The following DCDC2C variants were observed in gnomAD, a reference collection of about 807,000 sequenced individuals.
DCDC2C encodes the protein doublecortin domain-containing protein 2C.
A neutral mutation model predicts 45.0 loss-of-function variants in DCDC2C; 44 were observed. The ratio of observed to expected loss-of-function variants is 0.98; its 90% CI spans 0.77 to 1.26. DCDC2C has a LOEUF of 1.26. DCDC2C is among the 50% of genes most tolerant of loss of function. The pLI, the probability that DCDC2C is intolerant of heterozygous loss-of-function variation, is 0.00. For synonymous variants in DCDC2C, 187 were observed against 178.8 expected (o/e 1.05, Z -0.37); for missense variants, 447 against 468.9 (o/e 0.95, Z 0.43).
chr2:3,726,477 A>G (rs752370131), intron 2 of DCDC2C, among the ~76,000 whole-genome samples: 26 of 152,248 alleles, frequency 1.7e-4, no homozygotes, highest in Non-Finnish European at 2.9e-4. Context: ...TCACCAGGCC[A>G]TAGTGGTTGG....
chr2:3,804,002 A>G (rs1671173741), intron 10 of DCDC2C, among the ~76,000 whole-genome samples: 1 of 152,218 alleles, frequency 6.6e-6, no homozygotes, highest in South Asian at 2.1e-4. Flanking sequence ...CGACCACTCC[A>G]AACTTTGGTA....
intron 3 of DCDC2C, among the ~76,000 whole-genome samples, chr2:3,738,566 A>AT: frequency 6.7e-6 from 1 of 150,076 alleles, no homozygotes; most frequent in Non-Finnish European, 1.5e-5. Context: ...AAAAAAAAAA[A>AT]AAAAGCCTCC....
chr2:3,708,445 G>A, intron 1 of DCDC2C, 104 bp from the exon 2 acceptor site: 3 of 794,894 alleles, frequency 3.8e-6, no homozygotes, highest in South Asian at 1.9e-5. Flanking sequence ...ATTGCTGTGG[G>A]GTTGTATCTA....
intron 10 of DCDC2C, among the ~76,000 whole-genome samples, chr2:3,845,045 T>A (rs1672295520): frequency 6.6e-6 from 1 of 152,240 alleles, no homozygotes; most frequent in African/African-American, 2.4e-5. Flanking sequence ...GCCTTCTATG[T>A]CCTAAATGGA....
chr2:3,842,362 G>A (rs549009445), intron 10 of DCDC2C, among the ~76,000 whole-genome samples: 58 of 152,060 alleles, frequency 3.8e-4, no homozygotes, highest in Non-Finnish European at 5.7e-4. Context: ...TTTATAGAAC[G>A]TGTTATAAAG....
At chr2:3,821,470 A>G (rs12328316) in intron 10 of DCDC2C, among the ~76,000 whole-genome samples, 42,588 of 152,164 alleles carry the variant, frequency 0.28, 6,164 homozygotes, top group South Asian at 0.38. Flanking sequence ...CCTCCTGATC[A>G]TAAGGGGAAA....
intron 10 of DCDC2C, among the ~76,000 whole-genome samples, chr2:3,805,105 A>T (rs957056688): frequency 1.3e-5 from 2 of 152,232 alleles, no homozygotes; most frequent in Non-Finnish European, 2.9e-5. Flanking sequence ...AATCATGTGC[A>T]GGGCCAATGA....
At chr2:3,786,035 T>C (rs1212867525) in intron 10 of DCDC2C, among the ~76,000 whole-genome samples, 1 of 152,258 alleles carries the variant, frequency 6.6e-6, no homozygotes, top group Non-Finnish European at 1.5e-5. Context: ...GTGTAAAGTC[T>C]GCTTAGCGTT....
chr2:3,769,501 C>T (rs970257842), intron 8 of DCDC2C, 90 bp downstream of exon 8: 2 of 1,139,192 alleles, frequency 1.8e-6, no homozygotes, highest in African/African-American at 3.1e-5. Flanking sequence ...CCTCTCCCTG[C>T]AAATTCTCTC....
intron 3 of DCDC2C, among the ~76,000 whole-genome samples, chr2:3,732,413 T>C (rs1381952115): frequency 1.3e-5 from 2 of 152,076 alleles, no homozygotes; most frequent in Admixed American, 6.5e-5. Flanking sequence ...GTCGGAATCA[T>C]ATCTATGTAT....
intron 8 of DCDC2C, among the ~76,000 whole-genome samples, chr2:3,770,629 A>T (rs1049126365): frequency 6.6e-6 from 1 of 152,252 alleles, no homozygotes; most frequent in Non-Finnish European, 1.5e-5. Context: ...TGATAAGGAA[A>T]CTAGGACATT....
chr2:3,806,457 A>G (rs1424403020), intron 10 of DCDC2C, among the ~76,000 whole-genome samples: 2 of 152,100 alleles, frequency 1.3e-5, no homozygotes, highest in African/African-American at 2.4e-5. Flanking sequence ...AGAGCCTGCA[A>G]TGTGTGAGTA....
intron 10 of DCDC2C, 72 bp downstream of exon 10, chr2:3,785,172 G>A (rs1438720965): frequency 3.5e-6 from 4 of 1,135,764 alleles, no homozygotes; most frequent in South Asian, 4.5e-5. Context: ...GAGAATCCAC[G>A]GATCCCCAAA....
intron 5 of DCDC2C, among the ~76,000 whole-genome samples, chr2:3,754,341 A>T (rs1422120485): frequency 6.6e-6 from 1 of 152,262 alleles, no homozygotes; most frequent in Admixed American, 6.5e-5. Flanking sequence ...CAGCAGGTAG[A>T]CAGGGGCTGT....
intron 8 of DCDC2C, among the ~76,000 whole-genome samples, chr2:3,770,200 A>T (rs1448734568): frequency 6.6e-6 from 1 of 152,220 alleles, no homozygotes; most frequent in Non-Finnish European, 1.5e-5. Flanking sequence ...ATATTCTCTA[A>T]AAGGTCAATA....
chr2:3,787,280 G>A (rs987432223), intron 10 of DCDC2C, among the ~76,000 whole-genome samples: 1 of 152,180 alleles, frequency 6.6e-6, no homozygotes, highest in Non-Finnish European at 1.5e-5. Context: ...AAATTGGGCC[G>A]CATGCAAACT....
chr2:3,836,690 G>A (rs546374304), intron 10 of DCDC2C, among the ~76,000 whole-genome samples: 1 of 152,112 alleles, frequency 6.6e-6, no homozygotes. Context: ...GTGAAACCCT[G>A]TCTTGACTAA....
intron 5 of DCDC2C, among the ~76,000 whole-genome samples, chr2:3,753,402 G>A (rs1404119320): frequency 6.6e-6 from 1 of 152,218 alleles, no homozygotes; most frequent in Non-Finnish European, 1.5e-5. Flanking sequence ...GCAGTGACCA[G>A]GAGGGAGGTG....
chr2:3,785,798 G>T (rs1670636872), intron 10 of DCDC2C, among the ~76,000 whole-genome samples: 1 of 152,138 alleles, frequency 6.6e-6, no homozygotes, highest in Admixed American at 6.5e-5. Flanking sequence ...CTCCGCAAAG[G>T]ACGTGAGCCC....
Sources: allele counts gnomAD v4.1 joint callset (sites outside exome capture counted in the v4.1 genomes callset), GRCh38; gene constraint gnomAD v4.1.1; transcripts MANE v1.5; gene names NCBI Gene and HGNC (gene_info 2026-07-23, HGNC 2026-07-21).